PLCG2: variants seen among roughly 807,000 people sequenced by gnomAD.
PLCG2 encodes the protein phospholipase C gamma 2, also known as 1-phosphatidylinositol 4,5-bisphosphate phosphodiesterase gamma-2.
A neutral mutation model predicts 175.6 loss-of-function variants in PLCG2; 69 were observed. The observed-to-expected ratio is 0.39, with a 90% CI of 0.32 to 0.48. The LOEUF (loss-of-function observed/expected upper bound fraction) is 0.48. Among genes scored for constraint, PLCG2 ranks in the 20% least tolerant of loss-of-function variants. The pLI, the probability that PLCG2 is intolerant of heterozygous loss-of-function variation, is 0.91. For missense variants in PLCG2, 1,798 were observed against 1,650.9 expected (o/e 1.09, Z -1.54); for synonymous variants, 827 against 624.0 (o/e 1.33, Z -4.85).
intron 3 of PLCG2, among the ~76,000 whole-genome samples, chr16:81,856,458 G>A (rs1567500799): frequency 6.6e-6 from 1 of 152,054 alleles, no homozygotes; most frequent in Non-Finnish European, 1.5e-5. Context: ...TATTAACAAG[G>A]GTAATAGCAA....
At chr16:81,954,537 C>A (rs186166269) in intron 31 of PLCG2, among the ~76,000 whole-genome samples, 1 of 152,122 alleles carries the variant, frequency 6.6e-6, no homozygotes, top group African/African-American at 2.4e-5. Context: ...TGTTGCCCTC[C>A]CTGTGTCCTC....
chr16:81,909,853 T>A (rs757963953), intron 17 of PLCG2, among the ~76,000 whole-genome samples: 2 of 152,192 alleles, frequency 1.3e-5, no homozygotes, highest in African/African-American at 2.4e-5. Context: ...GATACTGTTA[T>A]CATTCCTGTC....
At position 81,747,592 on chromosome 16, in the gene PLCG2, A is replaced by G. The variant is rs541481836; in HGVS notation, c.-145+8207A>G. On this transcript the variant is annotated intron_variant, in intron 1 of 5. Transcript: ENST00000565054. ...TTTTTTAAATAAATGATTGGAAGTC[A>G]TCTACACATCTGTGGATAGAGGATG... Among the ~76,000 whole-genome samples, 29 of 152,084 alleles carry G rather than the reference A, an allele frequency of 1.9e-4. 1 individual carries two copies. Among genetic ancestry groups the G allele is most frequent in the South Asian group, 6.2e-4 (3 of 4,820 alleles).
chr16:81,798,927 C>T (rs1014056975), intron 2 of PLCG2: 1 of 152,426 alleles, frequency 6.6e-6, no homozygotes, highest in Non-Finnish European at 1.5e-5. Context: ...CCAGCCACTC[C>T]AGGATGTCCC....
At chr16:81,862,957 C>G (rs1258555298) in intron 5 of PLCG2, among the ~76,000 whole-genome samples, 1 of 152,106 alleles carries the variant, frequency 6.6e-6, no homozygotes, top group Non-Finnish European at 1.5e-5. Flanking sequence ...ATGCAGAAAT[C>G]TTCCCTTCCC....
chr16:81,745,764 C>G (rs938624213), intron 1 of PLCG2, among the ~76,000 whole-genome samples: 10 of 152,182 alleles, frequency 6.6e-5, no homozygotes, highest in African/African-American at 2.4e-4. Context: ...CAGGGGGGAG[C>G]TTGGCCCAGG....
chr16:81,906,392 G>A (rs1909372400), intron 15 of PLCG2: 1 of 152,056 alleles, frequency 6.6e-6, no homozygotes. Flanking sequence ...TTATATCCTA[G>A]ATATAACATA....
Position 81,938,891 on chromosome 16 carries a change from A to G in PLCG2, c.3289A>G (p.Asn1097Asp), listed in dbSNP as rs771322094. Residue 1097 changes from asparagine (N) to aspartate (D), a missense_variant, in exon 29 of 33, where the codon AAC becomes GAC. Transcript: ENST00000564138. ...VEICGAEYDN[N>D]KFKTTVVNDN... ...GATCTGTGGAGCCGAGTATGACAAC[A>G]ACAAGTTCAAGACGACGGTTGTGAG... is the stretch of plus-strand genomic sequence containing the variant. 148 of 1,610,638 alleles carry G rather than the reference A, an allele frequency of 9.2e-5. No homozygotes were observed. The highest frequency in any genetic ancestry group is 1.2e-4 in the Non-Finnish European group (144 of 1,177,534).
At chr16:81,929,003 G>C (rs1487357281) in intron 24 of PLCG2, among the ~76,000 whole-genome samples, 1 of 152,238 alleles carries the variant, frequency 6.6e-6, no homozygotes, top group Non-Finnish European at 1.5e-5. Flanking sequence ...TCTAAACCCA[G>C]CTCTGCCTCT....
rs1389532924 is a variant in PLCG2 at position 81,961,589 on chromosome 16, A to G, written c.*3591A>G. ...ATTTTGAGGGAGAAGTGGTATGAAA[A>G]TACAAATTCAAGGAGTAAAAGGAAA... On this transcript the variant is annotated 3_prime_UTR_variant, in exon 33 of 33. Transcript: ENST00000564138. 2 of 215,812 alleles carry G rather than the reference A, an allele frequency of 9.3e-6. No individual in the cohort carries two copies. Among genetic ancestry groups the G allele is most frequent in the Non-Finnish European group, 1.9e-5 (2 of 107,280 alleles). 13.4% of individuals were successfully genotyped at this position (215,812 alleles called of 1,614,324 possible).
intron 1 of PLCG2, among the ~76,000 whole-genome samples, chr16:81,753,874 G>A (rs1909863940): frequency 6.6e-6 from 1 of 152,158 alleles, no homozygotes; most frequent in Non-Finnish European, 1.5e-5. Context: ...CCTGGGGAGT[G>A]GGAAGTGGCT....
chr16:81,761,978 T>C (rs964783083), intron 2 of PLCG2, among the ~76,000 whole-genome samples: 2 of 151,780 alleles, frequency 1.3e-5, no homozygotes, highest in Non-Finnish European at 2.9e-5. Context: ...ACTACAGGCA[T>C]GCACCACCAC....
intron 26 of PLCG2, among the ~76,000 whole-genome samples, chr16:81,935,041 C>G (rs1336462968): frequency 6.6e-6 from 1 of 152,086 alleles, no homozygotes; most frequent in Non-Finnish European, 1.5e-5. Context: ...ACCATATCAC[C>G]CACTTAGTGG....
intron 30 of PLCG2, among the ~76,000 whole-genome samples, chr16:81,942,083 A>G (rs1157515881): frequency 6.6e-6 from 1 of 152,138 alleles, no homozygotes; most frequent in Non-Finnish European, 1.5e-5. Flanking sequence ...ACGCTGTAAC[A>G]GATTTCTTTT....
At chr16:81,783,251 C>G in intron 1 of PLCG2, 2 of 332,448 alleles carry the variant, frequency 6.0e-6, no homozygotes, top group Non-Finnish European at 1.2e-5. Context: ...TAGTGAAGAG[C>G]TCTGTGGTTG....
In PLCG2 at chr16:81,958,056, G is replaced by C. The variant is rs187446555; in HGVS notation, c.*58G>C. On this transcript the variant is annotated 3_prime_UTR_variant, in exon 33 of 33. Coordinates refer to ENST00000564138, the MANE Select transcript of PLCG2 (RefSeq NM_002661.5). ...TGTGCGCATGTGTGTTTGCATGTAG[G>C]AGAACGTGCCCTATTCACACTCTGG... The C allele has an allele frequency of 2.0e-5, 24 of 1,221,772 alleles. No homozygotes were observed. The African/African-American group carries it at 3.1e-4, about 16-fold the overall frequency. 75.7% of individuals were successfully genotyped at this position (1,221,772 alleles called of 1,614,324 possible).
chr16:81,921,339 C>T (rs1910052840), intron 21 of PLCG2, 70 bp downstream of exon 21: 1 of 1,036,150 alleles, frequency 9.7e-7, no homozygotes, highest in Admixed American at 1.7e-5. Context: ...ATCTTGTTCC[C>T]ATGGCAGTTA....
chr16:81,759,497 A>G (rs1909994772), intron 2 of PLCG2, among the ~76,000 whole-genome samples: 1 of 152,206 alleles, frequency 6.6e-6, no homozygotes, highest in African/African-American at 2.4e-5. Flanking sequence ...TGAGTCTCCC[A>G]AGCAGGAAAG....
At chr16:81,775,094 T>G (rs1025596751), upstream of PLCG2, among the ~76,000 whole-genome samples, 1 of 152,162 alleles carries the variant, frequency 6.6e-6, no homozygotes, top group African/African-American at 2.4e-5. Context: ...TCACATCCCA[T>G]GCAACTCATG....
Sources: allele counts gnomAD v4.1 joint callset (sites outside exome capture counted in the v4.1 genomes callset), GRCh38; gene constraint gnomAD v4.1.1; transcripts MANE v1.5; gene names NCBI Gene and HGNC (gene_info 2026-07-23, HGNC 2026-07-21).